Variants in LTBP1 observed in about 807,000 individuals in gnomAD.
LTBP1 encodes the protein latent transforming growth factor beta binding protein 1, also known as latent-transforming growth factor beta-binding protein 1.
In LTBP1, 129 loss-of-function variants were observed where a neutral mutation model predicts 207.6. The ratio of observed to expected loss-of-function variants is 0.62; its 90% confidence interval spans 0.54 to 0.72. The LOEUF (loss-of-function observed/expected upper bound fraction) is 0.72. Among genes scored for constraint, LTBP1 ranks in the 30% least tolerant of loss-of-function variants. The pLI, the probability that LTBP1 is intolerant of heterozygous loss-of-function variation, is 0.00. For missense variants in LTBP1, 2,281 were observed against 2,217.2 expected (o/e 1.03, Z -0.58); for synonymous variants, 963 against 833.7 (o/e 1.16, Z -2.67).
At chr2:33,275,404 G>T (rs900739796) in intron 17 of LTBP1, among the ~76,000 whole-genome samples, 1 of 152,114 alleles carries the variant, frequency 6.6e-6, no homozygotes, top group Non-Finnish European at 1.5e-5. Flanking sequence ...TCAGTTACTG[G>T]CCAGGCGCCA....
chr2:33,264,071 C>G (rs1414936631), intron 15 of LTBP1, among the ~76,000 whole-genome samples: 1 of 151,234 alleles, frequency 6.6e-6, no homozygotes, highest in Non-Finnish European at 1.5e-5. Context: ...CTGGCTAACA[C>G]GGTGAAACCC....
At chr2:33,246,413 A>T (rs539429114) in intron 10 of LTBP1, among the ~76,000 whole-genome samples, 1 of 152,260 alleles carries the variant, frequency 6.6e-6, no homozygotes, top group South Asian at 2.1e-4. Flanking sequence ...AAATGAAAAG[A>T]TAATGGTATT....
chr2:32,990,019 C>A (rs1240036429), intron 2 of LTBP1, among the ~76,000 whole-genome samples: 1 of 152,134 alleles, frequency 6.6e-6, no homozygotes, highest in African/African-American at 2.4e-5. Flanking sequence ...GTGGGAGGAC[C>A]GCTTGAGCCC....
At chr2:33,286,284 T>C (rs913343016) in intron 19 of LTBP1, among the ~76,000 whole-genome samples, 1 of 152,226 alleles carries the variant, frequency 6.6e-6, no homozygotes, top group Non-Finnish European at 1.5e-5. Flanking sequence ...TCAGTCTACT[T>C]GACAACTGAT....
intron 18 of LTBP1, 111 bp from the exon 19 acceptor site, chr2:33,279,928 C>G: frequency 8.8e-7 from 1 of 1,132,178 alleles, no homozygotes; most frequent in South Asian, 1.5e-5. Flanking sequence ...TATTGTTTTT[C>G]CCACTGAAAT....
At chr2:33,342,373 A>C (rs2094638676) in intron 24 of LTBP1, among the ~76,000 whole-genome samples, 1 of 152,256 alleles carries the variant, frequency 6.6e-6, no homozygotes, top group African/African-American at 2.4e-5. Flanking sequence ...GATGTTGTGT[A>C]GTCTGGATCA....
chr2:33,380,708 C>T (rs1034816304), intron 31 of LTBP1, among the ~76,000 whole-genome samples: 2 of 151,946 alleles, frequency 1.3e-5, no homozygotes, highest in Admixed American at 1.3e-4. Context: ...AAATATTTTC[C>T]CCTCCTGTAT....
chr2:33,398,736 A>AT lies in LTBP1; in HGVS notation c.*194dup, dbSNP rs150428145. 2,571 of 485,034 alleles carry AT rather than the reference A, an allele frequency of 5.3e-3. 68 individuals are homozygous for AT. The highest frequency in any genetic ancestry group is 0.045 in the African/African-American group (2,277 of 50,714). 30.0% of individuals were successfully genotyped at this position (485,034 alleles called of 1,614,324 possible). On this transcript the variant is annotated 3_prime_UTR_variant, in exon 34 of 34. Transcript: ENST00000404816. ...GATAGGTGTGGCAGACCAAATGGAC[A>AT]TTTCTCTAAAAAACCAGTATATATA...
intron 19 of LTBP1, among the ~76,000 whole-genome samples, chr2:33,286,225 T>A (rs2093662404): frequency 6.6e-6 from 1 of 152,216 alleles, no homozygotes; most frequent in Non-Finnish European, 1.5e-5. Flanking sequence ...TGACTCCCAT[T>A]TAAACTCTGT....
intron 9 of LTBP1, among the ~76,000 whole-genome samples, chr2:33,239,190 A>G (rs919836664): frequency 2.0e-5 from 3 of 152,252 alleles, no homozygotes; most frequent in African/African-American, 7.2e-5. Flanking sequence ...GTGGAAAAGT[A>G]TGTAAAGCTC....
At chr2:33,285,035 CTTTTTT>C (rs934497674) in intron 19 of LTBP1, among the ~76,000 whole-genome samples, 1 of 120,126 alleles carries the variant, frequency 8.3e-6, no homozygotes, top group Non-Finnish European at 1.7e-5. Context: ...GTATCACATT[CTTTTTT>C]TTTTTTTTTT....
At chr2:33,090,642 G>A (rs1402341606) in intron 3 of LTBP1, among the ~76,000 whole-genome samples, 3 of 152,104 alleles carry the variant, frequency 2.0e-5, no homozygotes, top group Non-Finnish European at 2.9e-5. Flanking sequence ...TGTGTAACTA[G>A]GGGGTAGGGA....
intron 7 of LTBP1, among the ~76,000 whole-genome samples, chr2:33,205,957 C>T (rs1047954877): frequency 5.9e-5 from 9 of 152,106 alleles, no homozygotes; most frequent in African/African-American, 2.2e-4. Context: ...CACCAAAAAT[C>T]CACCATGTTG....
At chr2:33,012,466 C>G (rs1208812359) in intron 2 of LTBP1, among the ~76,000 whole-genome samples, 1 of 152,224 alleles carries the variant, frequency 6.6e-6, no homozygotes, top group Non-Finnish European at 1.5e-5. Flanking sequence ...TTTATGGTCC[C>G]TTGAATATAA....
chr2:33,156,446 A>G (rs1205352890), intron 5 of LTBP1, among the ~76,000 whole-genome samples: 8 of 152,092 alleles, frequency 5.3e-5, no homozygotes, highest in Admixed American at 5.2e-4. Context: ...TGTTCACTGA[A>G]TCTTGGGTCT....
At chr2:33,330,670 C>G (rs912713618) in intron 24 of LTBP1, among the ~76,000 whole-genome samples, 1 of 151,330 alleles carries the variant, frequency 6.6e-6, no homozygotes, top group African/African-American at 2.4e-5. Flanking sequence ...GATTTTAAAA[C>G]AAGATAAAAA....
At chr2:33,275,518 C>G (rs2093407265) in intron 17 of LTBP1, among the ~76,000 whole-genome samples, 1 of 152,030 alleles carries the variant, frequency 6.6e-6, no homozygotes. Flanking sequence ...AACCCTGTCT[C>G]TACTAAAAAT....
chr2:33,151,390 T>C (rs1330772644), intron 5 of LTBP1, among the ~76,000 whole-genome samples: 1 of 152,202 alleles, frequency 6.6e-6, no homozygotes, highest in Admixed American at 6.5e-5. Flanking sequence ...GGTTCCATTT[T>C]CTCTACATCC....
rs2095386129 is a variant in LTBP1, at chr2:33,399,378, A to G, written c.*833A>G. On this transcript the variant is annotated 3_prime_UTR_variant, in exon 34 of 34. Coordinates refer to ENST00000404816, the MANE Select transcript of LTBP1 (RefSeq NM_206943.4). ...TGTAGAAAAAATTCTACCTGAGAGTAATTGTCAATGAGTACATGTGTATAA... is the reference window on the plus strand; with the variant it reads ...TGTAGAAAAAATTCTACCTGAGAGTGATTGTCAATGAGTACATGTGTATAA... 6.6e-6 allele frequency: 1 copy of G among 152,242 alleles called. No homozygotes were observed. Among genetic ancestry groups the G allele is most frequent in the Non-Finnish European group, 1.5e-5 (1 of 68,034 alleles). 9.4% of individuals were successfully genotyped at this position (152,242 alleles called of 1,614,324 possible).
Sources: gnomAD v4.1 joint callset for allele counts (sites outside exome capture counted in the v4.1 genomes callset) on GRCh38, gnomAD v4.1.1 for gene constraint, MANE v1.5 for transcripts, NCBI Gene and HGNC (gene_info 2026-07-23, HGNC 2026-07-21) for gene names.